The following HSD17B4 variants were observed in gnomAD, a reference collection of about 807,000 sequenced individuals.
HSD17B4 encodes the protein hydroxysteroid 17-beta dehydrogenase 4.
In HSD17B4, 70 loss-of-function variants were observed where a neutral mutation model predicts 101.0. The observed-to-expected ratio is 0.69, with a 90% CI of 0.57 to 0.85. HSD17B4 has a LOEUF of 0.85. HSD17B4 is among the 40% of genes least tolerant of loss of function. HSD17B4 has a pLI of 0.00. For missense variants in HSD17B4, 984 were observed against 892.4 expected (o/e 1.10, Z -1.31); for synonymous variants, 347 against 297.1 (o/e 1.17, Z -1.73).
chr5:119,509,517 T>G lies in HSD17B4; in HGVS notation c.1437+273T>G, dbSNP rs570147661. 5.5e-6 allele frequency: 3 copies of G among 549,638 alleles called. No homozygotes were observed. In the South Asian group the frequency reaches 5.5e-5, roughly 10 times the overall value. The allele number at this position is 549,638 out of a possible 1,614,324, so 34.0% of individuals were successfully genotyped here. A position where few individuals can be genotyped will look rare whatever the true frequency, so the allele number is the denominator to read the frequency against. On this transcript the variant is annotated intron_variant, in intron 16 of 23. Transcript: ENST00000510025. ...ATAGTAAATATTCTTTCATTTTTTATGTTTTTCATGACATTTTATTTTTCC... is the reference window on the plus strand; with the variant it reads ...ATAGTAAATATTCTTTCATTTTTTAGGTTTTTCATGACATTTTATTTTTCC...
chr5:119,482,619 G>A (rs1211547709), intron 8 of HSD17B4, among the ~76,000 whole-genome samples: 4 of 152,044 alleles, frequency 2.6e-5, no homozygotes, highest in Non-Finnish European at 4.4e-5. Flanking sequence ...GAGTTAGGCC[G>A]TGTTTATTAT....
intron 12 of HSD17B4, among the ~76,000 whole-genome samples, chr5:119,497,203 C>T (rs894558098): frequency 4.2e-5 from 4 of 96,056 alleles, no homozygotes; most frequent in Non-Finnish European, 6.5e-5. Flanking sequence ...TTTTGGTAGG[C>T]TCCATTGGGG....
intron 21 of HSD17B4, 30 bp from the exon 22 acceptor site, chr5:119,531,236 T>A: frequency 6.2e-7 from 1 of 1,611,624 alleles, no homozygotes; most frequent in South Asian, 1.1e-5. Context: ...TTTACAGAAC[T>A]TTTAAAGTTT....
chr5:119,532,576 A>T (rs1754208004), intron 22 of HSD17B4, among the ~76,000 whole-genome samples: 1 of 152,102 alleles, frequency 6.6e-6, no homozygotes, highest in Admixed American at 6.6e-5. Flanking sequence ...GAAATATGTA[A>T]GTATAATATG....
chr5:119,460,836 G>GTTGAAAGAAGA (rs1755155647), intron 2 of HSD17B4, among the ~76,000 whole-genome samples: 8 of 129,418 alleles, frequency 6.2e-5, no homozygotes, highest in Non-Finnish European at 1.4e-4. Context: ...AACAGAAAAT[G>GTTGAAAGAAGA]CTTTAAGGAG....
intron 14 of HSD17B4, among the ~76,000 whole-genome samples, chr5:119,503,080 GTGTGT>G: frequency 9.0e-6 from 1 of 111,264 alleles, no homozygotes; most frequent in Non-Finnish European, 2.2e-5. Flanking sequence ...TGGAAATTGT[GTGTGT>G]GTGTGTGTGT....
At chr5:119,470,421 TG>T (rs1255808117) in intron 2 of HSD17B4, among the ~76,000 whole-genome samples, 1 of 152,118 alleles carries the variant, frequency 6.6e-6, no homozygotes, top group African/African-American at 2.4e-5. Context: ...TGTAACAGCT[TG>T]GGTCTCATGG....
chr5:119,511,570 A>C (rs1045707093), intron 16 of HSD17B4, among the ~76,000 whole-genome samples: 2 of 152,210 alleles, frequency 1.3e-5, no homozygotes, highest in East Asian at 3.8e-4. Flanking sequence ...GTATGATACC[A>C]AAAGAGGCAG....
chr5:119,466,018 G>C (rs1249798231), intron 2 of HSD17B4, among the ~76,000 whole-genome samples: 5 of 152,132 alleles, frequency 3.3e-5, no homozygotes, highest in South Asian at 4.1e-4. Context: ...AATTTGTTGA[G>C]AGTTTTTATC....
At chr5:119,510,679 A>T (rs1400157175) in intron 16 of HSD17B4, among the ~76,000 whole-genome samples, 1 of 152,196 alleles carries the variant, frequency 6.6e-6, no homozygotes, top group Non-Finnish European at 1.5e-5. Context: ...TTTATTCAAG[A>T]AAATCTATTA....
intron 1 of HSD17B4, among the ~76,000 whole-genome samples, chr5:119,454,853 C>G (rs983151772): frequency 6.6e-6 from 1 of 152,100 alleles, no homozygotes; most frequent in African/African-American, 2.4e-5. Context: ...AACTCCAGAC[C>G]TCAAATGATC....
chr5:119,475,230 A>G (rs529276926), intron 4 of HSD17B4, among the ~76,000 whole-genome samples: 102 of 152,154 alleles, frequency 6.7e-4, no homozygotes, highest in African/African-American at 2.3e-3. Flanking sequence ...AAAAATAATT[A>G]TTTTCTTTCA....
Position 119,535,328 on chromosome 5 carries a change from AATT to A in HSD17B4, c.1994-1088_1994-1086del, listed in dbSNP as rs75499100. 0.03 allele frequency among the ~76,000 whole-genome samples: 4,546 copies of A among 152,014 alleles called. 498 individuals carry two copies. The East Asian group carries it at 0.42, about 14-fold the overall frequency. ...ATGTCCTTTATAGCAAAACAATAAT[AATT>A]ATTATTCATTACTAAAATGAAGAAA... On this transcript the variant is annotated intron_variant, in intron 22 of 23. Coordinates refer to ENST00000510025, the MANE Select transcript of HSD17B4 (RefSeq NM_000414.4).
intron 12 of HSD17B4, among the ~76,000 whole-genome samples, chr5:119,497,892 C>T (rs952784822): frequency 2.6e-4 from 40 of 151,928 alleles, no homozygotes. Context: ...CATCAGTAAT[C>T]CTACTTTAGT....
intron 11 of HSD17B4, among the ~76,000 whole-genome samples, chr5:119,494,330 TTTC>T (rs1423301794): frequency 1.3e-4 from 10 of 76,240 alleles, no homozygotes; most frequent in East Asian, 6.8e-4. Context: ...CTTTCTTTTC[TTTC>T]TTTCTTTCTT....
At chr5:119,458,028 A>T (rs925996655) in intron 2 of HSD17B4, among the ~76,000 whole-genome samples, 5 of 152,290 alleles carry the variant, frequency 3.3e-5, no homozygotes, top group East Asian at 1.9e-4. Context: ...TTAAATTCAG[A>T]TTAGGAGTAT....
At chr5:119,511,428 T>A (rs892529128) in intron 16 of HSD17B4, among the ~76,000 whole-genome samples, 7 of 151,794 alleles carry the variant, frequency 4.6e-5, no homozygotes, top group African/African-American at 1.5e-4. Flanking sequence ...AACCTCAAAG[T>A]CTGGCCTCAA....
At chr5:119,517,104 G>T (rs1297139182) in intron 17 of HSD17B4, among the ~76,000 whole-genome samples, 1 of 152,230 alleles carries the variant, frequency 6.6e-6, no homozygotes, top group Non-Finnish European at 1.5e-5. Context: ...GTGGTGTGGA[G>T]GGAGAGGCGC....
At chr5:119,520,879 GT>G (rs1753056122) in intron 17 of HSD17B4, among the ~76,000 whole-genome samples, 1 of 152,110 alleles carries the variant, frequency 6.6e-6, no homozygotes, top group Non-Finnish European at 1.5e-5. Context: ...TTGTATAACA[GT>G]CAAAAGAGGT....
Sources: gnomAD v4.1 joint callset for allele counts (sites outside exome capture counted in the v4.1 genomes callset) on GRCh38, gnomAD v4.1.1 for gene constraint, MANE v1.5 for transcripts, NCBI Gene and HGNC (gene_info 2026-07-23, HGNC 2026-07-21) for gene names.